MEGF11: variants seen among roughly 807,000 people sequenced by gnomAD.
MEGF11 encodes multiple EGF like domains 11.
A neutral mutation model predicts 146.6 loss-of-function variants in MEGF11; 126 were observed. That is an observed-to-expected ratio of 0.86 (90% CI 0.74 to 1.00). The LOEUF (loss-of-function observed/expected upper bound fraction) is 1.00, where lower values mean the gene tolerates loss of function less well. Among genes scored for constraint, MEGF11 ranks in the 50% least tolerant of loss-of-function variants. The pLI is 0.00. For missense variants in MEGF11, 1,509 were observed against 1,521.2 expected (o/e 0.99, Z 0.13); for synonymous variants, 532 against 583.4 (o/e 0.91, Z 1.27).
intron 5 of MEGF11, among the ~76,000 whole-genome samples, chr15:66,050,810 A>G (rs535408345): frequency 6.6e-6 from 1 of 152,350 alleles, no homozygotes; most frequent in African/African-American, 2.4e-5. Context: ...CAGAAGGGTC[A>G]CACATAATCC....
intron 10 of MEGF11, among the ~76,000 whole-genome samples, chr15:65,950,838 A>T (rs779011857): frequency 6.6e-6 from 1 of 152,214 alleles, no homozygotes; most frequent in Non-Finnish European, 1.5e-5. Flanking sequence ...CTCCAGTCCC[A>T]CTGTAGCTAT....
intron 8 of MEGF11, among the ~76,000 whole-genome samples, chr15:65,970,058 A>G (rs925859316): frequency 4.6e-5 from 7 of 152,084 alleles, no homozygotes; most frequent in African/African-American, 1.7e-4. Flanking sequence ...CCACTCTGCA[A>G]GGCTGGTTTC....
intron 5 of MEGF11, among the ~76,000 whole-genome samples, chr15:66,084,358 T>C (rs2086013992): frequency 6.6e-6 from 1 of 152,088 alleles, no homozygotes; most frequent in East Asian, 1.9e-4. Flanking sequence ...ATGCGGCGGC[T>C]TGCAGTGTGA....
At chr15:66,094,058 C>T (rs2086433029) in intron 5 of MEGF11, among the ~76,000 whole-genome samples, 1 of 152,104 alleles carries the variant, frequency 6.6e-6, no homozygotes, top group Non-Finnish European at 1.5e-5. Flanking sequence ...TAGACGACGG[C>T]GACCTCCTCA....
chr15:66,145,244 G>A (rs1477387815), intron 1 of MEGF11, among the ~76,000 whole-genome samples: 2 of 152,060 alleles, frequency 1.3e-5, no homozygotes, highest in Non-Finnish European at 2.9e-5. Flanking sequence ...TCTGTGAGCT[G>A]CAATGAAATT....
intron 1 of MEGF11, among the ~76,000 whole-genome samples, chr15:66,209,306 C>G (rs1419502426): frequency 6.6e-6 from 1 of 151,060 alleles, no homozygotes; most frequent in African/African-American, 2.4e-5. Context: ...GCCAAGATCG[C>G]GCCACTGCAC....
intron 9 of MEGF11, among the ~76,000 whole-genome samples, chr15:65,962,917 G>T (rs2080915504): frequency 6.6e-6 from 1 of 152,202 alleles, no homozygotes; most frequent in South Asian, 2.1e-4. Flanking sequence ...AGACAGTAAA[G>T]CAAATAATCA....
chr15:66,219,720 G>GT, intron 1 of MEGF11, among the ~76,000 whole-genome samples: 1 of 145,800 alleles, frequency 6.9e-6, no homozygotes, highest in South Asian at 2.2e-4. Context: ...AAAAAAAAAC[G>GT]TATCTACCAT....
intron 13 of MEGF11, among the ~76,000 whole-genome samples, chr15:65,926,311 A>T (rs1364298720): frequency 6.6e-6 from 1 of 152,236 alleles, no homozygotes; most frequent in African/African-American, 2.4e-5. Context: ...TGGCATGAGA[A>T]GGTTGGTGGA....
intron 19 of MEGF11, 57 bp downstream of exon 19, chr15:65,915,413 T>G: frequency 6.3e-7 from 1 of 1,594,904 alleles, no homozygotes; most frequent in Non-Finnish European, 8.6e-7. Flanking sequence ...GGAATCTCCC[T>G]AGAGCTGCCA....
intron 10 of MEGF11, among the ~76,000 whole-genome samples, chr15:65,932,809 T>A (rs1327150742): frequency 6.6e-6 from 1 of 151,776 alleles, no homozygotes; most frequent in Non-Finnish European, 1.5e-5. Flanking sequence ...CTAGGGAGTG[T>A]CTCCAGCCAG....
chr15:66,235,515 AG>A (rs5813385), intron 1 of MEGF11, among the ~76,000 whole-genome samples: 62,498 of 150,602 alleles, frequency 0.41, 13,981 homozygotes, highest in African/African-American at 0.59. Flanking sequence ...GAAAAAAAAA[AG>A]GTCAAAATCT....
intron 5 of MEGF11, among the ~76,000 whole-genome samples, chr15:66,044,073 G>A (rs1280125702): frequency 6.6e-6 from 1 of 152,172 alleles, no homozygotes; most frequent in Non-Finnish European, 1.5e-5. Context: ...CTTCCCACAG[G>A]AGGCAGTGAT....
intron 5 of MEGF11, among the ~76,000 whole-genome samples, chr15:65,994,500 C>A (rs1346287437): frequency 1.3e-5 from 2 of 152,156 alleles, no homozygotes; most frequent in Admixed American, 6.5e-5. Flanking sequence ...GAGCTGGGGG[C>A]CTTTTTCACC....
rs2078370937 is a variant in MEGF11, at chr15:65,897,003, CTT to C, written c.*929_*930del. On this transcript the variant is annotated 3_prime_UTR_variant, in exon 26 of 26. Coordinates refer to ENST00000395614, the MANE Select transcript of MEGF11 (RefSeq NM_001385028.1). ...TATGAAGAACTTGAAAGCAAGTACT[CTT>C]GAGTCAAGGGATGCTGACCAAATAA... 1 of 152,178 alleles carries C rather than the reference CTT, an allele frequency of 6.6e-6. No individual in the cohort carries two copies. The highest frequency in any genetic ancestry group is 2.4e-5 in the African/African-American group (1 of 41,448). The allele number at this position is 152,178 out of a possible 1,614,324, so 9.4% of individuals were successfully genotyped here. A position where few individuals can be genotyped will look rare whatever the true frequency, so the allele number is the denominator to read the frequency against.
In MEGF11 at chr15:65,982,473, T is replaced by G. The variant is rs772023518; in HGVS notation, c.410A>C (p.His137Pro). 5 of 1,479,710 alleles carry G rather than the reference T, an allele frequency of 3.4e-6. No individual in the cohort carries two copies. Among genetic ancestry groups the G allele is most frequent in the Non-Finnish European group, 4.5e-6 (5 of 1,114,558 alleles). 91.7% of individuals were successfully genotyped at this position (1,479,710 alleles called of 1,614,324 possible). The change falls in exon 6 of 26, where the codon CAC (histidine) becomes CCC (proline). Residue 137 changes from histidine (H) to proline (P), a missense_variant. Physicochemically the swap from His to Pro is moderately conservative, Grantham distance 77. Coordinates refer to ENST00000395614, the MANE Select transcript of MEGF11 (RefSeq NM_001385028.1). This position sits in a 1 kb window ranked among gnomAD's most constrained non-coding sequence, Gnocchi z 5.6. ...PDCSSGCDSD[H>P]WGPHCSNRCQ... Reference sequence around the variant, plus strand: ...CCGGTTGCTGCAGTGGGGCCCCCAGTGGTCGCTGTCGCAGCCTGCAAGAGA... The same window carrying G: ...CCGGTTGCTGCAGTGGGGCCCCCAGGGGTCGCTGTCGCAGCCTGCAAGAGA...
At chr15:65,979,369 T>G (rs2081556663) in intron 7 of MEGF11, among the ~76,000 whole-genome samples, 1 of 152,220 alleles carries the variant, frequency 6.6e-6, no homozygotes, top group Non-Finnish European at 1.5e-5. Context: ...AAAAAAATTC[T>G]GTCAAGACTG....
intron 4 of MEGF11, 113 bp downstream of exon 4, chr15:66,118,973 T>A: frequency 4.3e-6 from 3 of 692,430 alleles, no homozygotes; most frequent in Non-Finnish European, 7.4e-6. Flanking sequence ...GCCATCTGGC[T>A]GAGGACTGCT....
At chr15:65,926,682 C>T (rs534345482) in intron 13 of MEGF11, among the ~76,000 whole-genome samples, 2 of 152,182 alleles carry the variant, frequency 1.3e-5, no homozygotes, top group East Asian at 3.8e-4. Context: ...TCAATCACTT[C>T]TTTGAAAAGA....
Sources: allele counts gnomAD v4.1 joint callset (sites outside exome capture counted in the v4.1 genomes callset), GRCh38; gene constraint gnomAD v4.1.1; non-coding constraint Gnocchi (gnomAD v3.1); transcripts MANE v1.5; gene names NCBI Gene and HGNC (gene_info 2026-07-23, HGNC 2026-07-21).